Variants in RALGPS1 observed in about 807,000 individuals in gnomAD.
RALGPS1 encodes Ral GEF with PH domain and SH3 binding motif 1.
In RALGPS1, 19 loss-of-function variants were observed where a neutral mutation model predicts 78.8. That is an observed-to-expected ratio of 0.24 (90% CI 0.17 to 0.35). The LOEUF is 0.35. Ranked by LOEUF, RALGPS1 falls within the 10% of genes least tolerant of loss-of-function variation. The pLI, the probability that RALGPS1 is intolerant of heterozygous loss-of-function variation, is 1.00. For synonymous variants in RALGPS1, 228 were observed against 256.3 expected (o/e 0.89, Z 1.06); for missense variants, 454 against 688.3 (o/e 0.66, Z 3.81).
chr9:127,087,058 G>A (rs140260477), intron 8 of RALGPS1, among the ~76,000 whole-genome samples: 1 of 152,220 alleles, frequency 6.6e-6, no homozygotes, highest in Non-Finnish European at 1.5e-5. Context: ...AGGTACGTCA[G>A]GTGTTAAGTG....
At chr9:127,171,956 A>G (rs896440193) in intron 10 of RALGPS1, among the ~76,000 whole-genome samples, 1 of 152,204 alleles carries the variant, frequency 6.6e-6, no homozygotes, top group African/African-American at 2.4e-5. Flanking sequence ...TTATTACCAC[A>G]TAGTCCAAGT....
intron 10 of RALGPS1, among the ~76,000 whole-genome samples, chr9:127,170,262 T>G (rs965604317): frequency 2.0e-5 from 3 of 151,994 alleles, no homozygotes; most frequent in East Asian, 1.9e-4. Context: ...TTTACAGGAG[T>G]GGTCTGCAGC....
intron 14 of RALGPS1, among the ~76,000 whole-genome samples, chr9:127,203,542 T>G (rs2061759795): frequency 6.7e-6 from 1 of 148,774 alleles, no homozygotes; most frequent in African/African-American, 2.5e-5. Flanking sequence ...AGGCCCAGGG[T>G]GAGAGGAGGC....
intron 8 of RALGPS1, among the ~76,000 whole-genome samples, chr9:127,097,964 C>T (rs926222596): frequency 2.0e-5 from 3 of 152,190 alleles, no homozygotes; most frequent in Admixed American, 6.5e-5. Context: ...AACCCAAGAG[C>T]GGCCAGCATG....
intron 8 of RALGPS1, among the ~76,000 whole-genome samples, chr9:127,093,344 T>G (rs181934019): frequency 1.3e-5 from 2 of 152,270 alleles, no homozygotes; most frequent in East Asian, 3.9e-4. Context: ...CTCTTGGGAC[T>G]TGCGCCTTCT....
chr9:126,943,079 T>C (rs2036933777), intron 1 of RALGPS1, among the ~76,000 whole-genome samples: 1 of 152,168 alleles, frequency 6.6e-6, no homozygotes, highest in Non-Finnish European at 1.5e-5. Flanking sequence ...TAGAAATTCT[T>C]AATAATTTAT....
At chr9:127,185,764 C>T (rs2060603825) in intron 11 of RALGPS1, among the ~76,000 whole-genome samples, 1 of 152,188 alleles carries the variant, frequency 6.6e-6, no homozygotes. Flanking sequence ...CTCTCTCCCA[C>T]ACTTGACTGG....
At chr9:126,919,709 T>C (rs1250330086) in intron 1 of RALGPS1, among the ~76,000 whole-genome samples, 1 of 152,224 alleles carries the variant, frequency 6.6e-6, no homozygotes, top group East Asian at 1.9e-4. Context: ...ATGTTATTAA[T>C]AATCTGAAAT....
intron 9 of RALGPS1, among the ~76,000 whole-genome samples, chr9:127,166,597 C>T (rs1394445429): frequency 6.6e-6 from 1 of 152,160 alleles, no homozygotes; most frequent in African/African-American, 2.4e-5. Context: ...CTCCCATGGC[C>T]TCAGAATCCT....
chr9:127,001,712 C>T (rs888891235), intron 4 of RALGPS1, among the ~76,000 whole-genome samples: 19 of 151,944 alleles, frequency 1.3e-4, no homozygotes, highest in African/African-American at 3.1e-4. Flanking sequence ...GGTGAAACCC[C>T]GTCTCTACTA....
At chr9:127,034,647 C>CTGTGG in intron 5 of RALGPS1, 133 bp downstream of exon 5, 1 of 727,500 alleles carries the variant, frequency 1.4e-6, no homozygotes, top group Admixed American at 2.1e-5. Context: ...TATGAGTCCC[C>CTGTGG]CACCTTTATC....
chr9:126,993,762 A>G (rs2133284678), intron 4 of RALGPS1, among the ~76,000 whole-genome samples: 1 of 152,276 alleles, frequency 6.6e-6, no homozygotes, highest in African/African-American at 2.4e-5. Context: ...AGAGTAGCCT[A>G]ACTGGGAGGC....
At chr9:127,213,916 C>G (rs2062427687) in intron 17 of RALGPS1, 1 of 152,198 alleles carries the variant, frequency 6.6e-6, no homozygotes, top group Non-Finnish European at 1.5e-5. Context: ...GTGTCAGGCT[C>G]TAATGTTCTT....
At chr9:127,061,728 T>C (rs2049228719) in intron 7 of RALGPS1, among the ~76,000 whole-genome samples, 2 of 152,306 alleles carry the variant, frequency 1.3e-5, no homozygotes, top group South Asian at 2.1e-4. Context: ...CTTTGGGTAA[T>C]AGAGTTTGTT....
At chr9:126,926,680 A>G (rs939461504) in intron 1 of RALGPS1, among the ~76,000 whole-genome samples, 1 of 152,122 alleles carries the variant, frequency 6.6e-6, no homozygotes, top group Non-Finnish European at 1.5e-5. Flanking sequence ...ATTGTCACTT[A>G]TAGTCCTGGT....
rs1366280838 is a variant in RALGPS1 at position 126,914,814 on chromosome 9, G to A, written c.-227G>A. On this transcript the variant is annotated 5_prime_UTR_variant, in exon 1 of 19. Transcript: ENST00000259351. Reference sequence around the variant, plus strand: ...GGAGCGGACGGTTCCTACTGCGGCTGGGCACCGGCTCCGCTCCCGCGTCTG... The same window carrying A: ...GGAGCGGACGGTTCCTACTGCGGCTAGGCACCGGCTCCGCTCCCGCGTCTG... 1.3e-5 allele frequency: 2 copies of A among 152,372 alleles called. No individual in the cohort carries two copies. The highest frequency in any genetic ancestry group is 4.1e-4 in the South Asian group (2 of 4,860). 9.4% of individuals were successfully genotyped at this position (152,372 alleles called of 1,614,324 possible).
Position 127,034,513 on chromosome 9 carries a change from A to G in RALGPS1, c.299A>G (p.Gln100Arg). 6.2e-7 allele frequency: 1 copy of G among 1,613,610 alleles called. No individual in the cohort carries two copies. Among genetic ancestry groups the G allele is most frequent in the Non-Finnish European group, 8.5e-7 (1 of 1,179,538 alleles). Residue 100 changes from glutamine (Q) to arginine (R), a missense_variant and splice_region_variant, in exon 5 of 19, where the codon CAG becomes CGG. Physicochemically the swap from Gln to Arg is conservative, Grantham distance 43. Coordinates refer to ENST00000259351, the MANE Select transcript of RALGPS1 (RefSeq NM_014636.3). ...GTGGCCTTTACCCGGAGGTTTAACC[A>G]GGTAAGCAACACCCCTTGCATGTGC... ...NVVAFTRRFNQVSFWVVREIL... is the reference protein window; with the variant it reads ...NVVAFTRRFNRVSFWVVREIL...
At chr9:127,093,997 A>G (rs149428564) in intron 8 of RALGPS1, 3 of 1,539,530 alleles carry the variant, frequency 1.9e-6, no homozygotes, top group African/African-American at 2.7e-5. Flanking sequence ...CTGCACCCCA[A>G]GCAGGCACAA....
chr9:127,205,195 C>T lies in RALGPS1; in HGVS notation c.1247+6129C>T, dbSNP rs930390275. Among the ~76,000 whole-genome samples the T allele has an allele frequency of 1.8e-4, 28 of 152,260 alleles. No homozygotes were observed. The highest frequency in any genetic ancestry group is 6.5e-4 in the African/African-American group (27 of 41,468). ...CTCTCCTGCATGAGACTCAGAGACA[C>T]TGAGCCCTGGGCCATCTGTCCCAGC... On this transcript the variant is annotated intron_variant, in intron 14 of 18. Coordinates refer to ENST00000259351, the MANE Select transcript of RALGPS1 (RefSeq NM_014636.3). This position sits in a 1 kb window ranked among gnomAD's most constrained non-coding sequence, Gnocchi z 4.0.
Sources: gnomAD v4.1 joint callset for allele counts (sites outside exome capture counted in the v4.1 genomes callset) on GRCh38, gnomAD v4.1.1 for gene constraint, Gnocchi (gnomAD v3.1) non-coding constraint, MANE v1.5 for transcripts, NCBI Gene and HGNC (gene_info 2026-07-23, HGNC 2026-07-21) for gene names.